MYO7A: variants seen among roughly 807,000 people sequenced by gnomAD.
The protein encoded by MYO7A is unconventional myosin-VIIa.
MYO7A carries 210 observed loss-of-function variants against 263.8 expected under a neutral mutation model. The ratio of observed to expected loss-of-function variants is 0.80; its 90% CI spans 0.71 to 0.89. The LOEUF (loss-of-function observed/expected upper bound fraction) is 0.89. MYO7A is among the 40% of genes least tolerant of loss of function. The pLI is 0.00. For missense variants in MYO7A, 2,820 were observed against 2,968.3 expected (o/e 0.95, Z 1.16); for synonymous variants, 1,239 against 1,197.3 (o/e 1.03, Z -0.72).
intron 4 of MYO7A, among the ~76,000 whole-genome samples, chr11:77,149,262 A>G (rs1426115217): frequency 6.6e-6 from 1 of 152,132 alleles, no homozygotes; most frequent in Non-Finnish European, 1.5e-5. Context: ...TGGCCTGATT[A>G]TCTCGAGACC....
intron 2 of MYO7A, chr11:77,139,290 AC>A (rs1951062856): frequency 6.6e-6 from 1 of 152,136 alleles, no homozygotes; most frequent in African/African-American, 2.4e-5. Flanking sequence ...GTTTTGGAGT[AC>A]CCCTGAGAAC....
chr11:77,140,784 A>T (rs11237102), intron 2 of MYO7A, among the ~76,000 whole-genome samples: 1 of 151,988 alleles, frequency 6.6e-6, no homozygotes, highest in Non-Finnish European at 1.5e-5. Context: ...GTGAATGCTC[A>T]GTAAACAGTT....
rs369466486 is a variant in MYO7A, at chr11:77,202,451, G to A, written c.5168+27G>A. On this transcript the variant is annotated intron_variant, in intron 37 of 48. Coordinates refer to ENST00000409709, the MANE Select transcript of MYO7A (RefSeq NM_000260.4). ...TGATGCCTCCTGGGGAAGGATGGGA[G>A]CCACAGGGCTAGGAGCTGCAGGCTT... The A allele has an allele frequency of 1.0e-4, 160 of 1,547,170 alleles. No homozygotes were observed. The African/African-American group carries it at 1.5e-3, about 15-fold the overall frequency.
chr11:77,182,443 T>C lies in MYO7A; in HGVS notation c.3128T>C (p.Ile1043Thr). 1 of 1,607,472 alleles carries C rather than the reference T, an allele frequency of 6.2e-7. No individual in the cohort carries two copies. Among genetic ancestry groups the C allele is most frequent in the Non-Finnish European group, 8.5e-7 (1 of 1,179,578 alleles). ...GDQLAALAVW[I>T]TILRFMGDLP... ...CCCCAGGCAGCCCTGGCGGTCTGGA[T>C]CACCATCCTCCGCTTCATGGGGGAC... is the stretch of plus-strand genomic sequence containing the variant. Residue 1043 changes from isoleucine (I) to threonine (T), a missense_variant, in exon 25 of 49, where the codon ATC becomes ACC. Ile to Thr is a moderately conservative substitution (Grantham distance 89, BLOSUM62 -1). Transcript: ENST00000409709.
intron 37 of MYO7A, 116 bp from the exon 38 acceptor site, chr11:77,202,944 C>A: frequency 7.7e-7 from 1 of 1,306,234 alleles, no homozygotes. Context: ...GGGCCTGGTG[C>A]CCACTCTCAG....
At chr11:77,152,602 G>A (rs983514268) in intron 4 of MYO7A, among the ~76,000 whole-genome samples, 4 of 152,046 alleles carry the variant, frequency 2.6e-5, no homozygotes, top group Non-Finnish European at 5.9e-5. Context: ...GATGTCCAGG[G>A]GAGGTGACAA....
chr11:77,207,246 G>A lies in MYO7A; in HGVS notation c.5743-43G>A, dbSNP rs372655288. The A allele has an allele frequency of 5.5e-5, 80 of 1,457,618 alleles. No homozygotes were observed. In the African/African-American group the frequency reaches 6.7e-4, roughly 12 times the overall value. The allele number at this position is 1,457,618 out of a possible 1,614,324, so 90.3% of individuals were successfully genotyped here. On this transcript the variant is annotated intron_variant, in intron 41 of 48. Coordinates refer to ENST00000409709, the MANE Select transcript of MYO7A (RefSeq NM_000260.4). ...GAGGGGCCCGGGAGGACCAGGTCCC[G>A]GGAAAGGCCCTGCAGGAGCCCAGTG...
chr11:77,213,058 G>A, intron 47 of MYO7A, 23 bp downstream of exon 47: 1 of 1,548,784 alleles, frequency 6.5e-7, no homozygotes, highest in Non-Finnish European at 8.8e-7. Flanking sequence ...AAGGCAGCAA[G>A]TGGGGGCGGG....
At chr11:77,150,014 CTG>C (rs1469259773) in intron 4 of MYO7A, among the ~76,000 whole-genome samples, 3 of 152,198 alleles carry the variant, frequency 2.0e-5, no homozygotes, top group Admixed American at 6.5e-5. Flanking sequence ...CTGGGGTTCT[CTG>C]TGGCCACTCA....
At chr11:77,187,117 G>A (rs782657289) in intron 27 of MYO7A, among the ~76,000 whole-genome samples, 6 of 152,148 alleles carry the variant, frequency 3.9e-5, no homozygotes, top group Non-Finnish European at 7.3e-5. Flanking sequence ...CTATGGGCAC[G>A]ATTCATGGTG....
chr11:77,191,891 G>A (rs899680406), intron 30 of MYO7A, among the ~76,000 whole-genome samples, 160 bp from the exon 31 acceptor site: 2 of 152,230 alleles, frequency 1.3e-5, no homozygotes, highest in Non-Finnish European at 2.9e-5. Context: ...GCGGCTTAGA[G>A]CCCAGGGCTA....
intron 44 of MYO7A, 27 bp from the exon 45 acceptor site, chr11:77,211,125 G>A (rs752564818): frequency 2.9e-5 from 45 of 1,528,234 alleles, no homozygotes; most frequent in East Asian, 4.9e-5. Flanking sequence ...GTCCCTGCAC[G>A]CCTGTGACCT....
chr11:77,196,467 A>C (rs1246870796), intron 32 of MYO7A, among the ~76,000 whole-genome samples: 1 of 152,188 alleles, frequency 6.6e-6, no homozygotes, highest in Non-Finnish European at 1.5e-5. Flanking sequence ...GGAAGGAAGC[A>C]CACAATTCAG....
intron 2 of MYO7A, among the ~76,000 whole-genome samples, chr11:77,131,168 A>G (rs1309293134): frequency 6.6e-6 from 1 of 152,046 alleles, no homozygotes; most frequent in African/African-American, 2.4e-5. Context: ...GTGGCCTCTG[A>G]CCCTCAGCCC....
At chr11:77,151,629 C>T (rs995465047) in intron 4 of MYO7A, among the ~76,000 whole-genome samples, 2 of 152,214 alleles carry the variant, frequency 1.3e-5, no homozygotes, top group African/African-American at 4.8e-5. Flanking sequence ...CCCACCCAAC[C>T]TGTGACTCCA....
chr11:77,198,535 C>G lies in MYO7A; in HGVS notation c.4482C>G (p.Asn1494Lys). The G allele has an allele frequency of 6.2e-7, 1 of 1,613,940 alleles. No homozygotes were observed. The highest frequency in any genetic ancestry group is 1.1e-5 in the South Asian group (1 of 91,080). ...LPKNDVIVAV[N>K]WTGVYFVDEQ... Reference sequence around the variant, plus strand: ...AGAACGACGTCATCGTGGCCGTCAACTGGACGGGTGTGTACTTTGTGGATG... The same window carrying G: ...AGAACGACGTCATCGTGGCCGTCAAGTGGACGGGTGTGTACTTTGTGGATG... Residue 1494 changes from asparagine (N) to lysine (K), a missense_variant, in exon 34 of 49, where the codon AAC (asparagine) becomes AAG (lysine). By Grantham distance (94) the Asn-to-Lys change is moderately conservative. Coordinates refer to ENST00000409709, the MANE Select transcript of MYO7A (RefSeq NM_000260.4).
At chr11:77,192,355 T>C in intron 31 of MYO7A, 77 bp downstream of exon 31, 8 of 1,433,530 alleles carry the variant, frequency 5.6e-6, no homozygotes, top group Non-Finnish European at 7.8e-6. Context: ...TGAGTGCTCC[T>C]CTGTGAGCCA....
rs782185279 is a variant in MYO7A, at chr11:77,179,060, G to T, written c.2298G>T (p.Lys766Asn). Residue 766 changes from lysine (K) to asparagine (N), a missense_variant, in exon 20 of 49, where the codon AAG becomes AAT. By Grantham distance (94) the Lys-to-Asn change is moderately conservative (BLOSUM62 0). Transcript: ENST00000409709. ...RGFKDRSNFL[K>N]LKNAATLIQR... is the part of the protein sequence containing the mutation. Reference sequence around the variant, plus strand: ...GCTGTTTCAGGTCTAACTTTCTGAAGCTGAAGAACGCTGCCACACTGATCC... The same window carrying T: ...GCTGTTTCAGGTCTAACTTTCTGAATCTGAAGAACGCTGCCACACTGATCC... 6.2e-7 allele frequency: 1 copy of T among 1,607,678 alleles called. No homozygotes were observed. The highest frequency in any genetic ancestry group is 8.5e-7 in the Non-Finnish European group (1 of 1,177,666).
At chr11:77,163,103 C>CATATATAT (rs55700684) in intron 14 of MYO7A, 115 bp downstream of exon 14, 2 of 898,784 alleles carry the variant, frequency 2.2e-6, no homozygotes, top group African/African-American at 1.8e-5. Context: ...TGTGATTATT[C>CATATATAT]ATATATATAT....
Sources: gnomAD v4.1 joint callset for allele counts (sites outside exome capture counted in the v4.1 genomes callset) on GRCh38, gnomAD v4.1.1 for gene constraint, MANE v1.5 for transcripts, NCBI Gene and HGNC (gene_info 2026-07-23, HGNC 2026-07-21) for gene names.